PCSK1: variants seen among roughly 807,000 people sequenced by gnomAD.
PCSK1 encodes proprotein convertase subtilisin/kexin type 1.
PCSK1 carries 56 observed loss-of-function variants against 90.6 expected under a neutral mutation model. That is an observed-to-expected ratio of 0.62 (90% CI 0.50 to 0.77). PCSK1 has a LOEUF of 0.77. Among genes scored for constraint, PCSK1 ranks in the 30% least tolerant of loss-of-function variants. The probability of loss-of-function intolerance (pLI) is 0.00; values close to 1 mark genes in which losing one functional copy is unlikely to be tolerated. For synonymous variants in PCSK1, 348 were observed against 342.4 expected, an observed-to-expected ratio of 1.02 and a Z score of -0.18; for missense variants, 801 against 932.6, an observed-to-expected ratio of 0.86 and a Z score of 1.84.
At chr5:96,426,444 C>T (rs1273989161) in intron 2 of PCSK1, among the ~76,000 whole-genome samples, 1 of 152,138 alleles carries the variant, frequency 6.6e-6, no homozygotes, top group Admixed American at 6.5e-5. Flanking sequence ...TTGAAACTCC[C>T]TCCCCTGTGC....
In PCSK1 at chr5:96,421,276, C is replaced by T. The variant is rs539668301; in HGVS notation, c.620+604G>A. On this transcript the variant is annotated intron_variant, in intron 5 of 13. Transcript: ENST00000311106. ...AGGGACAGAGAGTTAATCTGGGAGT[C>T]GGGTGCTGTCTCCTCTCTCTTTCCT... 9.2e-5 allele frequency among the ~76,000 whole-genome samples: 14 copies of T among 152,278 alleles called. No homozygotes were observed. In the South Asian group the frequency reaches 2.7e-3, roughly 29 times the overall value.
intron 5 of PCSK1, 122 bp from the exon 6 acceptor site, chr5:96,416,243 T>G (rs1021602034): frequency 2.8e-5 from 20 of 724,406 alleles, no homozygotes; most frequent in Middle Eastern, 2.4e-4. Context: ...TGTTTTTGTT[T>G]GTTTGTTTTA....
Position 96,423,392 on chromosome 5 carries a change from C to T in PCSK1, c.464G>A (p.Gly155Asp), listed in dbSNP as rs1363728113. 1 of 1,614,030 alleles carries T rather than the reference C, an allele frequency of 6.2e-7. No homozygotes were observed. The highest frequency in any genetic ancestry group is 2.2e-5 in the East Asian group (1 of 44,876). ...GATAACAACTCCTTTGCCCGTAATGCCTTTTTGCCAAACAGGTATCACATG... is the reference window on the plus strand; with the variant it reads ...GATAACAACTCCTTTGCCCGTAATGTCTTTTTGCCAAACAGGTATCACATG... ...DLHVIPVWQK[G>D]ITGKGVVITV... The change falls in exon 4 of 14, where the codon GGC becomes GAC. Residue 155 changes from glycine (G) to aspartate (D), a missense_variant. Coordinates refer to ENST00000311106, the MANE Select transcript of PCSK1 (RefSeq NM_000439.5).
At position 96,399,966 on chromosome 5, in the gene PCSK1, C is replaced by A; in HGVS notation, c.1417G>T (p.Asp473Tyr). ...GGAGATACTTACCTGGGCTCAAAGT[C>A]ATTGTCCTTTACAACACACTCTTTC... ...EKKECVVKDNDFEPRALKANG... is the reference protein window; with the variant it reads ...EKKECVVKDNYFEPRALKANG... The change falls in exon 10 of 14, where the codon GAC (aspartate) becomes TAC (tyrosine). Residue 473 changes from aspartate to tyrosine, a missense_variant. Asp to Tyr is a radical substitution (Grantham distance 160, BLOSUM62 -3). Coordinates refer to ENST00000311106, the MANE Select transcript of PCSK1 (RefSeq NM_000439.5). The A allele has an allele frequency of 6.2e-7, 1 of 1,613,148 alleles. No individual in the cohort carries two copies. Among genetic ancestry groups the A allele is most frequent in the South Asian group, 1.1e-5 (1 of 91,004 alleles).
At chr5:96,424,538 T>C (rs1761222931) in intron 3 of PCSK1, among the ~76,000 whole-genome samples, 1 of 152,220 alleles carries the variant, frequency 6.6e-6, no homozygotes, top group South Asian at 2.1e-4. Flanking sequence ...TTACTATTTC[T>C]ACAACACAGA....
chr5:96,419,601 T>TC (rs1379687081), intron 5 of PCSK1, among the ~76,000 whole-genome samples: 1 of 151,590 alleles, frequency 6.6e-6, no homozygotes, highest in East Asian at 1.9e-4. Flanking sequence ...TAAATTTGGC[T>TC]CCCAAGTCTG....
chr5:96,395,107 C>A, intron 12 of PCSK1, 82 bp from the exon 13 acceptor site: 1 of 1,098,936 alleles, frequency 9.1e-7, no homozygotes, highest in East Asian at 2.4e-5. Context: ...AAAAGGATTT[C>A]ATTGTTAAAA....
intron 2 of PCSK1, among the ~76,000 whole-genome samples, chr5:96,427,820 CG>C (rs1561377914): frequency 6.6e-6 from 1 of 152,114 alleles, no homozygotes; most frequent in African/African-American, 2.4e-5. Context: ...CTGCTTAGCC[CG>C]GGGACTAAGC....
chr5:96,413,963 CAAAAAA>C (rs61316405), intron 6 of PCSK1, among the ~76,000 whole-genome samples: 80 of 22,428 alleles, frequency 3.6e-3, no homozygotes, highest in Non-Finnish European at 7.8e-3. Flanking sequence ...ACTAAAAATA[CAAAAAA>C]AAAAAAAAAA....
intron 3 of PCSK1, 99 bp from the exon 4 acceptor site, chr5:96,423,558 T>C (rs1761192237): frequency 9.2e-7 from 1 of 1,089,534 alleles, no homozygotes; most frequent in Non-Finnish European, 1.4e-6. Context: ...TTCTTTTTCC[T>C]TGGGTCACTC....
At chr5:96,418,331 T>C (rs1291287091) in intron 5 of PCSK1, among the ~76,000 whole-genome samples, 1 of 152,214 alleles carries the variant, frequency 6.6e-6, no homozygotes, top group Admixed American at 6.5e-5. Context: ...TTAAACAAAA[T>C]GATTTGTTTA....
chr5:96,399,049 A>C lies in PCSK1; in HGVS notation c.1431-13T>G. The C allele has an allele frequency of 6.3e-7, 1 of 1,589,834 alleles. No individual in the cohort carries two copies. Among genetic ancestry groups the C allele is most frequent in the Non-Finnish European group, 8.6e-7 (1 of 1,161,060 alleles). On this transcript the variant is annotated splice_polypyrimidine_tract_variant and intron_variant, in intron 10 of 13. Coordinates refer to ENST00000311106, the MANE Select transcript of PCSK1 (RefSeq NM_000439.5). ...AGCTTTCAGGGCTCTAAATACATTA[A>C]AGAATCAGCATTGAATAAAGTATAT...
At position 96,397,437 on chromosome 5, in the gene PCSK1, G is replaced by T. The variant is rs761831648; in HGVS notation, c.1621C>A (p.Arg541=). 6.2e-7 allele frequency: 1 copy of T among 1,612,560 alleles called. No individual in the cohort carries two copies. Among genetic ancestry groups the T allele is most frequent in the East Asian group, 2.2e-5 (1 of 44,854 alleles). The change falls in exon 12 of 14, where the codon CGG becomes AGG. Residue 541 remains arginine, a synonymous_variant. Coordinates refer to ENST00000311106, the MANE Select transcript of PCSK1 (RefSeq NM_000439.5). ...TSTVLLAERE[R]DTSPNGFKNW... is the part of the protein sequence containing the mutation. ...TTAAAGCCATTAGGAGATGTATCCC[G>T]TTCTCTTTCAGCCAAGAGCACAGTG...
intron 3 of PCSK1, among the ~76,000 whole-genome samples, chr5:96,424,113 A>G (rs1761211052): frequency 6.6e-6 from 1 of 152,216 alleles, no homozygotes; most frequent in South Asian, 2.1e-4. Flanking sequence ...GCAAGGGAAC[A>G]CAGATATAAG....
chr5:96,398,943 T>C lies in PCSK1; in HGVS notation c.1524A>G (p.Gln508=), dbSNP rs941752148. 1.2e-5 allele frequency: 20 copies of C among 1,612,992 alleles called. No homozygotes were observed. In the East Asian group the frequency reaches 3.6e-4, roughly 29 times the overall value. Residue 508 remains glutamine (Q), a synonymous_variant, in exon 11 of 14, where the codon CAA becomes CAG. Transcript: ENST00000311106. ...GGGAATATTCAATTGTTGCTTCAAA[T>C]TGTACATGCTCCAGGGACTTGATAG... The part of the protein sequence containing the change: ...ENAIKSLEHV[Q]FEATIEYSRR...
Position 96,395,002 on chromosome 5 carries a change from T to C in PCSK1, c.1746A>G (p.Gly582=), listed in dbSNP as rs139669972. Reference sequence around the variant, plus strand: ...AAATCAGCTTCCAGTTCACAATTCTTCCTTCATTTTGAATTCTTCCAGACT... The same window carrying C: ...AAATCAGCTTCCAGTTCACAATTCTCCCTTCATTTTGAATTCTTCCAGACT... ...TDMSGRIQNE[G]RIVNWKLILH... Residue 582 remains glycine, a synonymous_variant, in exon 13 of 14, where the codon GGA becomes GGG. Transcript: ENST00000311106. The C allele has an allele frequency of 3.7e-6, 6 of 1,613,732 alleles. No homozygotes were observed. The African/African-American group carries it at 8.0e-5, about 22-fold the overall frequency.
intron 9 of PCSK1, among the ~76,000 whole-genome samples, chr5:96,404,692 G>A (rs1177223053): frequency 6.6e-6 from 1 of 152,192 alleles, no homozygotes; most frequent in East Asian, 1.9e-4. Flanking sequence ...TCACAGGGCT[G>A]TGGGAGGCTG....
chr5:96,419,870 A>G (rs1761065223), intron 5 of PCSK1, among the ~76,000 whole-genome samples: 1 of 152,086 alleles, frequency 6.6e-6, no homozygotes, highest in Non-Finnish European at 1.5e-5. Flanking sequence ...TGAGTGTTCC[A>G]TCTCCTGACT....
chr5:96,433,166 C>T lies in PCSK1; in HGVS notation c.-124G>A. ...CTAGACCACTCCTGGCTCCTGGTTGCTCTGCGAAGAGCTAGGAGGCGCGAG... is the reference window on the plus strand; with the variant it reads ...CTAGACCACTCCTGGCTCCTGGTTGTTCTGCGAAGAGCTAGGAGGCGCGAG... On this transcript the variant is annotated 5_prime_UTR_variant, in exon 1 of 14. Transcript: ENST00000311106. 1.1e-6 allele frequency: 1 copy of T among 935,098 alleles called. No homozygotes were observed. The highest frequency in any genetic ancestry group is 1.7e-6 in the Non-Finnish European group (1 of 582,390). The allele number at this position is 935,098 out of a possible 1,614,324, so 57.9% of individuals were successfully genotyped here.
Sources: allele counts gnomAD v4.1 joint callset (sites outside exome capture counted in the v4.1 genomes callset), GRCh38; gene constraint gnomAD v4.1.1; transcripts MANE v1.5; gene names NCBI Gene and HGNC (gene_info 2026-07-23, HGNC 2026-07-21).